The following ADGRF4 variants were observed in gnomAD, a reference collection of about 807,000 sequenced individuals.
ADGRF4 encodes G-protein coupled receptor PGR18.
A neutral mutation model predicts 58.5 loss-of-function variants in ADGRF4; 63 were observed. That is an observed-to-expected ratio of 1.08 (90% CI 0.88 to 1.33). The LOEUF is 1.33. Among genes scored for constraint, ADGRF4 ranks in the 40% most tolerant of loss-of-function variants. ADGRF4 has a pLI of 0.00. For missense variants in ADGRF4, 931 were observed against 843.9 expected, an observed-to-expected ratio of 1.10 and a Z score of -1.28; for synonymous variants, 313 against 295.4, an observed-to-expected ratio of 1.06 and a Z score of -0.61.
At chr6:47,704,141 C>T (rs1399728912) in intron 1 of ADGRF4, among the ~76,000 whole-genome samples, 2 of 151,884 alleles carry the variant, frequency 1.3e-5, no homozygotes, top group Non-Finnish European at 2.9e-5. Context: ...CCTCCTCCTC[C>T]TGGGTTCAGG....
At chr6:47,715,298 T>A (rs1771989149) in intron 6 of ADGRF4, 121 bp downstream of exon 6, 5 of 771,722 alleles carry the variant, frequency 6.5e-6, no homozygotes, top group Non-Finnish European at 1.0e-5. Context: ...TTAGGGTTAT[T>A]TGGCTATGGC....
chr6:47,710,704 T>C (rs1368865954), intron 3 of ADGRF4, 31 bp from the exon 4 acceptor site: 1 of 1,533,290 alleles, frequency 6.5e-7, no homozygotes, highest in Non-Finnish European at 8.7e-7. Flanking sequence ...TGGGCTCCTG[T>C]CTCTCTCTCT....
At position 47,714,611 on chromosome 6, in the gene ADGRF4, T is replaced by A; in HGVS notation, c.1366T>A (p.Trp456Arg). The change falls in exon 6 of 10, where the codon TGG (tryptophan) becomes AGG (arginine). Residue 456 changes from tryptophan (W) to arginine (R), a missense_variant. Trp to Arg is a moderately radical substitution (Grantham distance 101). Transcript: ENST00000283303. The stretch of plus-strand genomic sequence containing the variant: ...AGTGTCCCTTCTGACTGCCAATGTG[T>A]GGTTTATCATAGGCTCTCACTTTAA... Reference protein sequence around the residue: ...IAVSLLTANVWFIIGSHFNIK... With the variant: ...IAVSLLTANVRFIIGSHFNIK... 1 of 1,614,100 alleles carries A rather than the reference T, an allele frequency of 6.2e-7. No homozygotes were observed. Among genetic ancestry groups the A allele is most frequent in the Non-Finnish European group, 8.5e-7 (1 of 1,179,988 alleles).
intron 2 of ADGRF4, 94 bp downstream of exon 2, chr6:47,707,432 C>T: frequency 1.3e-6 from 1 of 793,730 alleles, no homozygotes; most frequent in Admixed American, 1.8e-5. Context: ...ATTTTAAATA[C>T]ATTTTCAAAT....
In ADGRF4 at chr6:47,710,475, C is replaced by A. The variant is rs186226270; in HGVS notation, c.149-260C>A. The stretch of plus-strand genomic sequence containing the variant: ...CTTTCCTTCCCACCCTCATCTCTTG[C>A]CACTCCCCCTTCAGGTGCTCTGGAC... On this transcript the variant is annotated intron_variant, in intron 3 of 9. Transcript: ENST00000283303. Among the ~76,000 whole-genome samples, 18 of 152,300 alleles carry A rather than the reference C, an allele frequency of 1.2e-4. No homozygotes were observed. In the East Asian group the frequency reaches 2.7e-3, roughly 23 times the overall value.
Position 47,714,273 on chromosome 6 carries a change from G to T in ADGRF4, c.1028G>T (p.Arg343Leu), listed in dbSNP as rs138156132. Residue 343 changes from arginine to leucine, a missense_variant, in exon 6 of 10, where the codon CGC (arginine) becomes CTC (leucine). Transcript: ENST00000283303. ...ACCTTCGAAAAGATCAATAAAACCC[G>T]CAATGCCAGAGCCCAGTGTGTTGGC... ...ILTFEKINKTRNARAQCVGWH... is the reference protein window; with the variant it reads ...ILTFEKINKTLNARAQCVGWH... The T allele has an allele frequency of 6.7e-4, 1,074 of 1,614,134 alleles. 6 individuals carry two copies. The highest frequency in any genetic ancestry group is 6.6e-4 in the Non-Finnish European group (774 of 1,180,018).
chr6:47,703,689 C>T (rs1157121231), intron 1 of ADGRF4, among the ~76,000 whole-genome samples: 1 of 152,164 alleles, frequency 6.6e-6, no homozygotes, highest in Non-Finnish European at 1.5e-5. Flanking sequence ...GTGCTTAGTT[C>T]AAATTCATGT....
chr6:47,712,055 T>C lies in ADGRF4; in HGVS notation c.301-302T>C, dbSNP rs114384883. On this transcript the variant is annotated intron_variant, in intron 4 of 9. Coordinates refer to ENST00000283303, the MANE Select transcript of ADGRF4 (RefSeq NM_153838.5). ...CACTCCCCCATGAAATTCCATGTGG[T>C]TCTTCTTTCCCTTCTCTGTAGAAAA... 4.3e-3 allele frequency among the ~76,000 whole-genome samples: 661 copies of C among 152,350 alleles called. 3 individuals carry two copies. Among genetic ancestry groups the C allele is most frequent in the African/African-American group, 0.014 (576 of 41,588 alleles).
At chr6:47,704,378 ATTTTAGTGCACATTTC>A (rs1321701222) in intron 1 of ADGRF4, among the ~76,000 whole-genome samples, 2 of 152,004 alleles carry the variant, frequency 1.3e-5, no homozygotes, top group Non-Finnish European at 2.9e-5. Context: ...GCCTTCACCC[ATTTTAGTGCACATTTC>A]TGACTATGAT....
In ADGRF4 at chr6:47,717,353, T is replaced by C; in HGVS notation, c.2034+2T>C. 1 of 1,604,008 alleles carries C rather than the reference T, an allele frequency of 6.2e-7. No homozygotes were observed. Among genetic ancestry groups the C allele is most frequent in the Non-Finnish European group, 8.5e-7 (1 of 1,170,782 alleles). On this transcript the variant is annotated splice_donor_variant, in intron 8 of 9. Coordinates refer to ENST00000283303, the MANE Select transcript of ADGRF4 (RefSeq NM_153838.5). LOFTEE classifies it high-confidence loss of function. ...AAGGGGAAATCGAGGGCAGCTGAGG[T>C]AAGCCTTCCCCTTTTAGTCTCAGCC...
chr6:47,716,000 A>G (rs1284216975), intron 6 of ADGRF4, among the ~76,000 whole-genome samples: 1 of 87,402 alleles, frequency 1.1e-5, no homozygotes, highest in South Asian at 3.6e-4. Context: ...TTTTTTTTTT[A>G]TCAAAGACTC....
At chr6:47,700,062 A>T (rs1044678311) in intron 1 of ADGRF4, among the ~76,000 whole-genome samples, 1 of 152,096 alleles carries the variant, frequency 6.6e-6, no homozygotes, top group Non-Finnish European at 1.5e-5. Context: ...CACCTTGAAG[A>T]CTGGCAAAAA....
chr6:47,716,767 A>C, intron 6 of ADGRF4, 39 bp from the exon 7 acceptor site: 2 of 1,536,834 alleles, frequency 1.3e-6, no homozygotes, highest in Non-Finnish European at 1.8e-6. Context: ...ATATTTTTTG[A>C]AAAACCATCC....
At position 47,716,823 on chromosome 6, in the gene ADGRF4, G is replaced by C. The variant is rs746581627; in HGVS notation, c.1950G>C (p.Leu650=). 8.7e-6 allele frequency: 14 copies of C among 1,602,252 alleles called. No homozygotes were observed. The highest frequency in any genetic ancestry group is 1.3e-5 in the African/African-American group (1 of 74,260). ...LNAFQGFFIL[L]FGTIMDHKIR... is the part of the protein sequence containing the mutation. ...TGCCACAGGGTTTTTTCATCCTGCT[G>C]TTTGGAACCATTATGGATCACAAGG... is the stretch of plus-strand genomic sequence containing the variant. The change falls in exon 7 of 10, where the codon CTG becomes CTC. Residue 650 remains leucine (L), a synonymous_variant. Transcript: ENST00000283303.
chr6:47,713,589 AC>A (rs1410560903), intron 5 of ADGRF4, among the ~76,000 whole-genome samples: 1 of 152,106 alleles, frequency 6.6e-6, no homozygotes, highest in East Asian at 1.9e-4. Context: ...AAGCAGGTAA[AC>A]CTTAGCTGTG....
rs370068277 is a variant in ADGRF4 at position 47,714,480 on chromosome 6, C to T, written c.1235C>T (p.Ser412Leu). The T allele has an allele frequency of 8.7e-6, 14 of 1,614,062 alleles. No homozygotes were observed. Among genetic ancestry groups the T allele is most frequent in the Non-Finnish European group, 1.2e-5 (14 of 1,180,038 alleles). The change falls in exon 6 of 10, where the codon TCA becomes TTA. Residue 412 changes from serine (S) to leucine (L), a missense_variant. By Grantham distance (145) the Ser-to-Leu change is moderately radical. Transcript: ENST00000283303. ...ATCACCTGCATTGGGCTCAGCGTCTCAATCCTAAGCTTGGTTCTTTGCCTG... is the reference window on the plus strand; with the variant it reads ...ATCACCTGCATTGGGCTCAGCGTCTTAATCCTAAGCTTGGTTCTTTGCCTG... ...DYITCIGLSV[S>L]ILSLVLCLII...
chr6:47,714,229 G>A lies in ADGRF4; in HGVS notation c.984G>A (p.Arg328=), dbSNP rs745733180. ...GLVLSVVLPE[R]LQEIILTFEK... Reference sequence around the variant, plus strand: ...TGCTATCAGTGGTTTTACCAGAAAGGTTGCAAGAAATCATACTCACCTTCG... The same window carrying A: ...TGCTATCAGTGGTTTTACCAGAAAGATTGCAAGAAATCATACTCACCTTCG... Residue 328 remains arginine, a synonymous_variant, in exon 6 of 10, where the codon AGG becomes AGA. Transcript: ENST00000283303. The A allele has an allele frequency of 1.9e-6, 3 of 1,613,970 alleles. No homozygotes were observed. Among genetic ancestry groups the A allele is most frequent in the Middle Eastern group, 1.6e-4 (1 of 6,084 alleles).
rs781070462 is a variant in ADGRF4 at position 47,714,398 on chromosome 6, A to T, written c.1153A>T (p.Met385Leu). 6.2e-7 allele frequency: 1 copy of T among 1,614,142 alleles called. No individual in the cohort carries two copies. The highest frequency in any genetic ancestry group is 8.5e-7 in the Non-Finnish European group (1 of 1,180,022). ...KCRCNYTSVV[M>L]SFSILMSSKS... ...CCGCTGTAACTACACCAGTGTGGTG[A>T]TGTCTTTTTCCATTCTCATGTCCTC... Residue 385 changes from methionine (M) to leucine (L), a missense_variant, in exon 6 of 10, where the codon ATG becomes TTG. Coordinates refer to ENST00000283303, the MANE Select transcript of ADGRF4 (RefSeq NM_153838.5).
rs1054777928 is a variant in ADGRF4, at chr6:47,712,539, A to T, written c.483A>T (p.Ala161=). The change falls in exon 5 of 10, where the codon GCA becomes GCT. Residue 161 remains alanine (A), a synonymous_variant. Coordinates refer to ENST00000283303, the MANE Select transcript of ADGRF4 (RefSeq NM_153838.5). Reference sequence around the variant, plus strand: ...CAGAAACAACATCTGGAAATATTGCATTTATAGTGGAGTTATTAAAAAATA... The same window carrying T: ...CAGAAACAACATCTGGAAATATTGCTTTTATAGTGGAGTTATTAAAAAATA... ...KSSETTSGNI[A]FIVELLKNIS... is the part of the protein sequence containing the mutation. 6.2e-7 allele frequency: 1 copy of T among 1,608,210 alleles called. No individual in the cohort carries two copies. The highest frequency in any genetic ancestry group is 1.3e-5 in the African/African-American group (1 of 74,826).
Sources: allele counts gnomAD v4.1 joint callset (sites outside exome capture counted in the v4.1 genomes callset), GRCh38; gene constraint gnomAD v4.1.1; transcripts MANE v1.5; gene names NCBI Gene and HGNC (gene_info 2026-07-23, HGNC 2026-07-21).